Variants in NOL4 observed in about 807,000 individuals in gnomAD.
NOL4 encodes the protein cancer/testis antigen 125.
NOL4 carries 17 observed loss-of-function variants against 75.9 expected under a neutral mutation model. The observed-to-expected ratio is 0.22, with a 90% CI of 0.15 to 0.34. The LOEUF is 0.34. Ranked by LOEUF, NOL4 falls within the 10% of genes least tolerant of loss-of-function variation. The pLI is 1.00. For synonymous variants in NOL4, 292 were observed against 289.9 expected (o/e 1.01, Z -0.07); for missense variants, 614 against 793.5 (o/e 0.77, Z 2.72).
rs556913962 is a variant in NOL4, at chr18:33,972,313, A to T, written c.1057-13895T>A. Among the ~76,000 whole-genome samples, 10 of 152,270 alleles carry T rather than the reference A, an allele frequency of 6.6e-5. No homozygotes were observed. The East Asian group carries it at 1.9e-3, about 29-fold the overall frequency. On this transcript the variant is annotated intron_variant, in intron 6 of 10. Coordinates refer to ENST00000261592, the MANE Select transcript of NOL4 (RefSeq NM_003787.5). Reference sequence around the variant, plus strand: ...AAATAACCTGATTAAAAAATGAGCAAAGTATTTAAATCAACATTTCTCTAA... The same window carrying T: ...AAATAACCTGATTAAAAAATGAGCATAGTATTTAAATCAACATTTCTCTAA...
At chr18:33,903,804 A>C (rs867190595) in intron 9 of NOL4, among the ~76,000 whole-genome samples, 1 of 152,138 alleles carries the variant, frequency 6.6e-6, no homozygotes, top group Non-Finnish European at 1.5e-5. Context: ...GTTTCTCTTC[A>C]GAATTTAAAA....
At chr18:33,873,372 G>A (rs928953446) in intron 10 of NOL4, among the ~76,000 whole-genome samples, 7 of 151,952 alleles carry the variant, frequency 4.6e-5, no homozygotes, top group African/African-American at 1.7e-4. Context: ...TATTAAGAGT[G>A]TAAGCTAAAG....
At position 33,883,276 on chromosome 18, in the gene NOL4, C is replaced by T. The variant is rs1002588160; in HGVS notation, c.1691G>A (p.Gly564Asp). 3.1e-6 allele frequency: 5 copies of T among 1,606,534 alleles called. No homozygotes were observed. Among genetic ancestry groups the T allele is most frequent in the African/African-American group, 1.3e-5 (1 of 74,476 alleles). The change falls in exon 10 of 11, where the codon GGT (glycine) becomes GAT (aspartate). Residue 564 changes from glycine (G) to aspartate (D), a missense_variant. Physicochemically the swap from Gly to Asp is moderately conservative, Grantham distance 94 (BLOSUM62 -1). Coordinates refer to ENST00000261592, the MANE Select transcript of NOL4 (RefSeq NM_003787.5). The stretch of plus-strand genomic sequence containing the variant: ...GGAAGCATCATTCAGATTTAGCAGA[C>T]CCCCTCCTAGCCCTCTGTAACTATG... ...SYHSYRGLGG[G>D]LLNLNDASSS...
At chr18:34,063,496 A>C (rs1230575674) in intron 5 of NOL4, among the ~76,000 whole-genome samples, 3 of 152,106 alleles carry the variant, frequency 2.0e-5, no homozygotes, top group Non-Finnish European at 4.4e-5. Flanking sequence ...AAAATTTTAC[A>C]ATCTCTGACA....
chr18:33,903,242 A>C (rs537241895), intron 9 of NOL4, among the ~76,000 whole-genome samples: 9 of 152,260 alleles, frequency 5.9e-5, no homozygotes, highest in African/African-American at 2.2e-4. Flanking sequence ...GAGAGTGCAC[A>C]GGGGGAAACT....
chr18:34,045,575 A>G (rs1212502839), intron 5 of NOL4, among the ~76,000 whole-genome samples: 1 of 152,146 alleles, frequency 6.6e-6, no homozygotes, highest in Non-Finnish European at 1.5e-5. Context: ...GGCTATCCCC[A>G]CACACCATGT....
chr18:34,032,341 T>C (rs1415333581), intron 5 of NOL4, among the ~76,000 whole-genome samples: 5 of 152,096 alleles, frequency 3.3e-5, no homozygotes, highest in African/African-American at 1.2e-4. Context: ...CACCCCTGCC[T>C]ACCATGCTGA....
chr18:33,883,210 T>TAA (rs199947605), intron 10 of NOL4, 34 bp downstream of exon 10: 923 of 1,363,568 alleles, frequency 6.8e-4, no homozygotes, highest in East Asian at 9.3e-4. Context: ...GTATAATAAT[T>TAA]AAAAAAAAAA....
At chr18:33,902,763 T>C (rs997088855) in intron 9 of NOL4, among the ~76,000 whole-genome samples, 3 of 152,158 alleles carry the variant, frequency 2.0e-5, no homozygotes, top group Non-Finnish European at 4.4e-5. Flanking sequence ...AGGTTTTTCT[T>C]TGCCTTTTTC....
At chr18:34,044,196 T>C (rs1366453461) in intron 5 of NOL4, among the ~76,000 whole-genome samples, 3 of 152,060 alleles carry the variant, frequency 2.0e-5, no homozygotes, top group African/African-American at 7.2e-5. Context: ...ACCAAACAAC[T>C]GTTAATTGTT....
At chr18:34,147,203 C>G (rs189564084) in intron 1 of NOL4, among the ~76,000 whole-genome samples, 147 of 152,020 alleles carry the variant, frequency 9.7e-4, no homozygotes, top group African/African-American at 3.0e-3. Flanking sequence ...ATTTGAATAC[C>G]CTTTATTTAT....
At chr18:33,853,738 G>A (rs2062719890) in intron 10 of NOL4, among the ~76,000 whole-genome samples, 2 of 151,846 alleles carry the variant, frequency 1.3e-5, no homozygotes, top group South Asian at 4.2e-4. Context: ...TAGACATTTG[G>A]AATACTGACT....
At chr18:34,054,192 C>A (rs567957623) in intron 5 of NOL4, among the ~76,000 whole-genome samples, 1 of 151,984 alleles carries the variant, frequency 6.6e-6, no homozygotes, top group East Asian at 1.9e-4. Flanking sequence ...CTGGAGTGTT[C>A]TTTATATGTA....
chr18:33,991,906 A>G (rs2072944979), intron 6 of NOL4, among the ~76,000 whole-genome samples: 1 of 148,424 alleles, frequency 6.7e-6, no homozygotes, highest in South Asian at 2.1e-4. Context: ...TATCAATAGG[A>G]GGCATAAAAT....
chr18:34,105,784 A>G (rs2079245665), intron 2 of NOL4, among the ~76,000 whole-genome samples: 1 of 152,028 alleles, frequency 6.6e-6, no homozygotes, highest in Admixed American at 6.6e-5. Flanking sequence ...TATGTCCATA[A>G]TAGCTCACAC....
At chr18:33,923,733 T>A (rs2067169628) in intron 9 of NOL4, among the ~76,000 whole-genome samples, 1 of 152,144 alleles carries the variant, frequency 6.6e-6, no homozygotes, top group Non-Finnish European at 1.5e-5. Context: ...ATAAGATGTA[T>A]AGAGGTATAT....
At position 33,943,069 on chromosome 18, in the gene NOL4, T is replaced by G. The variant is rs1007036436; in HGVS notation, c.1538A>C (p.Gln513Pro). Residue 513 changes from glutamine (Q) to proline (P), a missense_variant, in exon 9 of 11, where the codon CAG becomes CCG. Gln to Pro is a moderately conservative substitution (Grantham distance 76, BLOSUM62 -1). Coordinates refer to ENST00000261592, the MANE Select transcript of NOL4 (RefSeq NM_003787.5). ...GACTTCAAGATGCCTCAGTACCTGC[T>G]GTCTCTCCAGACGCATCCTCTTGGC... Reference protein sequence around the residue: ...NAAKRMRLERQQDESAPADKQ... With the variant: ...NAAKRMRLERPQDESAPADKQ... 7 of 1,607,518 alleles carry G rather than the reference T, an allele frequency of 4.4e-6. No individual in the cohort carries two copies. The Admixed American group carries it at 8.4e-5, about 19-fold the overall frequency.
intron 9 of NOL4, among the ~76,000 whole-genome samples, chr18:33,941,919 A>G (rs2068517487): frequency 6.6e-6 from 1 of 151,992 alleles, no homozygotes; most frequent in Middle Eastern, 3.2e-3. Flanking sequence ...ATGTGAATCA[A>G]CACTGGTGGC....
At chr18:34,011,987 A>G (rs1473305679) in intron 6 of NOL4, among the ~76,000 whole-genome samples, 1 of 151,960 alleles carries the variant, frequency 6.6e-6, no homozygotes, top group Non-Finnish European at 1.5e-5. Context: ...AAATTATAGA[A>G]GCCCCTCACC....
Sources: gnomAD v4.1 joint callset for allele counts (sites outside exome capture counted in the v4.1 genomes callset) on GRCh38, gnomAD v4.1.1 for gene constraint, MANE v1.5 for transcripts, NCBI Gene and HGNC (gene_info 2026-07-23, HGNC 2026-07-21) for gene names.